Variants in DGKG observed in about 807,000 individuals in gnomAD.
The protein encoded by DGKG is DAG kinase gamma.
DGKG carries 78 observed loss-of-function variants against 105.3 expected under a neutral mutation model. The ratio of observed to expected loss-of-function variants is 0.74; its 90% CI spans 0.62 to 0.89. DGKG has a LOEUF of 0.89. Ranked by LOEUF, DGKG falls within the 40% of genes least tolerant of loss-of-function variation. The pLI, the probability that DGKG is intolerant of heterozygous loss-of-function variation, is 0.00. For missense variants in DGKG, 958 were observed against 1,020.1 expected (o/e 0.94, Z 0.83); for synonymous variants, 346 against 367.1 (o/e 0.94, Z 0.66).
chr3:186,276,691 A>G (rs1358650113), intron 9 of DGKG, among the ~76,000 whole-genome samples: 1 of 152,220 alleles, frequency 6.6e-6, no homozygotes, highest in East Asian at 1.9e-4. Flanking sequence ...ATCCCATCCC[A>G]GGGGAACACA....
At position 186,148,749 on chromosome 3, in the gene DGKG, G is replaced by A; in HGVS notation, c.*1341C>T. On this transcript the variant is annotated 3_prime_UTR_variant, in exon 25 of 25. Coordinates refer to ENST00000265022, the MANE Select transcript of DGKG (RefSeq NM_001346.3). ...GCAGGTCTTTCATGCTTGTTTTGAG[G>A]ATCCAGAATAGGAGTTCTCGGTCTC... is the stretch of plus-strand genomic sequence containing the variant. 1 of 985,348 alleles carries A rather than the reference G, an allele frequency of 1.0e-6. No homozygotes were observed. The highest frequency in any genetic ancestry group is 1.2e-6 in the Non-Finnish European group (1 of 829,846). 61.0% of individuals were successfully genotyped at this position (985,348 alleles called of 1,614,324 possible). A position where few individuals can be genotyped will look rare whatever the true frequency, so the allele number is the denominator to read the frequency against.
intron 21 of DGKG, among the ~76,000 whole-genome samples, chr3:186,197,360 C>T (rs539269209): frequency 9.2e-5 from 14 of 152,144 alleles, no homozygotes; most frequent in African/African-American, 2.2e-4. Context: ...AGATCAGAGC[C>T]GCAGATAGAC....
At chr3:186,273,132 G>C (rs967883880) in intron 10 of DGKG, among the ~76,000 whole-genome samples, 2 of 152,126 alleles carry the variant, frequency 1.3e-5, no homozygotes, top group African/African-American at 2.4e-5. Context: ...GAAGAAAACG[G>C]CCTCTCTTTC....
intron 20 of DGKG, among the ~76,000 whole-genome samples, chr3:186,218,502 G>GAAAAAAAAAAAA (rs10692822): frequency 1.4e-5 from 1 of 70,380 alleles, no homozygotes; most frequent in African/African-American, 6.1e-5. Context: ...GACTCCGTCT[G>GAAAAAAAAAAAA]AAAAAAAAAA....
intron 20 of DGKG, among the ~76,000 whole-genome samples, chr3:186,217,135 G>T (rs1040077190): frequency 1.3e-5 from 2 of 152,194 alleles, no homozygotes; most frequent in Non-Finnish European, 2.9e-5. Flanking sequence ...GGCTGCAGGG[G>T]TAAGGGTGGG....
intron 2 of DGKG, among the ~76,000 whole-genome samples, chr3:186,314,753 C>CAA (rs1161706511): frequency 6.4e-4 from 40 of 62,430 alleles, no homozygotes; most frequent in Non-Finnish European, 1.2e-3. Context: ...GACTCCGTCT[C>CAA]AAAAAAAAAA....
chr3:186,256,048 C>T (rs1721452695), intron 17 of DGKG, among the ~76,000 whole-genome samples: 1 of 152,190 alleles, frequency 6.6e-6, no homozygotes, highest in Non-Finnish European at 1.5e-5. Flanking sequence ...ACTTCTCCCT[C>T]ATGGTGGAGA....
intron 20 of DGKG, among the ~76,000 whole-genome samples, chr3:186,213,280 C>T (rs894867503): frequency 6.6e-6 from 1 of 152,228 alleles, no homozygotes; most frequent in African/African-American, 2.4e-5. Context: ...GTGGCACAGG[C>T]GTACCTGGGA....
intron 10 of DGKG, among the ~76,000 whole-genome samples, chr3:186,275,346 T>C (rs781192254): frequency 6.6e-6 from 1 of 152,210 alleles, no homozygotes; most frequent in Non-Finnish European, 1.5e-5. Context: ...CAATAATAAA[T>C]AGTCCAAGAC....
At chr3:186,206,492 C>G (rs1466667477) in intron 21 of DGKG, among the ~76,000 whole-genome samples, 1 of 152,122 alleles carries the variant, frequency 6.6e-6, no homozygotes, top group Non-Finnish European at 1.5e-5. Context: ...TGAGTTGAAG[C>G]CTGTCTGGTT....
intron 11 of DGKG, among the ~76,000 whole-genome samples, chr3:186,270,481 CT>C: frequency 6.6e-6 from 1 of 152,228 alleles, no homozygotes; most frequent in Middle Eastern, 3.2e-3. Flanking sequence ...AAGGCCTCCC[CT>C]AAGAATGTTT....
intron 22 of DGKG, among the ~76,000 whole-genome samples, chr3:186,167,291 C>A (rs982874414): frequency 1.3e-5 from 2 of 152,194 alleles, no homozygotes; most frequent in Non-Finnish European, 2.9e-5. Flanking sequence ...TGCTCTTTTA[C>A]TTCTCTACCA....
In DGKG at chr3:186,211,787, G is replaced by C. The variant is rs1366592350; in HGVS notation, c.1917+8C>G. The stretch of plus-strand genomic sequence containing the variant: ...TCCAGGAAGCCTTCTCCCCACTTGG[G>C]AACTTACCTCCAACTCAATGTGGTC... On this transcript the variant is annotated splice_region_variant and intron_variant, in intron 21 of 24. Coordinates refer to ENST00000265022, the MANE Select transcript of DGKG (RefSeq NM_001346.3). The C allele has an allele frequency of 6.2e-7, 1 of 1,611,994 alleles. No homozygotes were observed. Among genetic ancestry groups the C allele is most frequent in the South Asian group, 1.1e-5 (1 of 91,006 alleles).
At chr3:186,247,605 T>C (rs1489350540) in intron 19 of DGKG, among the ~76,000 whole-genome samples, 1 of 152,096 alleles carries the variant, frequency 6.6e-6, no homozygotes, top group East Asian at 1.9e-4. Context: ...CCAGACTCTG[T>C]TAGGGTTGCG....
At chr3:186,296,558 C>T (rs922439285) in intron 5 of DGKG, among the ~76,000 whole-genome samples, 2 of 152,236 alleles carry the variant, frequency 1.3e-5, no homozygotes, top group African/African-American at 4.8e-5. Context: ...AGGGAAGATT[C>T]CACATCTCTC....
At chr3:186,222,372 C>T (rs1719626455) in intron 20 of DGKG, among the ~76,000 whole-genome samples, 1 of 152,200 alleles carries the variant, frequency 6.6e-6, no homozygotes, top group South Asian at 2.1e-4. Flanking sequence ...AGAGAGCTTA[C>T]TGGAGCTGAA....
Position 186,274,342 on chromosome 3 carries a change from C to A in DGKG, c.910+1205G>T, listed in dbSNP as rs76979410. Among the ~76,000 whole-genome samples, 676 of 152,252 alleles carry A rather than the reference C, an allele frequency of 4.4e-3. 3 individuals are homozygous for A. Among genetic ancestry groups the A allele is most frequent in the African/African-American group, 0.015 (635 of 41,562 alleles). Reference sequence around the variant, plus strand: ...AGCTGGGATTACAGGCGCATGCCACCATGCCCAGCTAATTTTTTTTTAGTA... The same window carrying A: ...AGCTGGGATTACAGGCGCATGCCACAATGCCCAGCTAATTTTTTTTTAGTA... On this transcript the variant is annotated intron_variant, in intron 10 of 24. Coordinates refer to ENST00000265022, the MANE Select transcript of DGKG (RefSeq NM_001346.3).
chr3:186,244,020 C>T (rs1305960719), intron 19 of DGKG, among the ~76,000 whole-genome samples: 1 of 151,050 alleles, frequency 6.6e-6, no homozygotes, highest in Non-Finnish European at 1.5e-5. Context: ...GCTCAGCCTC[C>T]TGAGTAGCTG....
chr3:186,214,816 C>A (rs142037148), intron 20 of DGKG, among the ~76,000 whole-genome samples: 24 of 152,300 alleles, frequency 1.6e-4, no homozygotes, highest in South Asian at 6.2e-4. Context: ...AATAGCATTC[C>A]TGGACATCTG....
Sources: gnomAD v4.1 joint callset for allele counts (sites outside exome capture counted in the v4.1 genomes callset) on GRCh38, gnomAD v4.1.1 for gene constraint, MANE v1.5 for transcripts, NCBI Gene and HGNC (gene_info 2026-07-23, HGNC 2026-07-21) for gene names.